TAF2: variants seen among roughly 807,000 people sequenced by gnomAD.
The protein encoded by TAF2 is TATA-box binding protein associated factor 2.
Under a neutral mutation model 138.5 loss-of-function variants are expected in TAF2, and 61 were observed. That is an observed-to-expected ratio of 0.44 (90% CI 0.36 to 0.54). The LOEUF (loss-of-function observed/expected upper bound fraction) is 0.54, where lower values mean the gene tolerates loss of function less well. TAF2 is among the 20% of genes least tolerant of loss of function. The pLI is 0.00. For synonymous variants in TAF2, 475 were observed against 469.9 expected (o/e 1.01, Z -0.14); for missense variants, 1,090 against 1,427.9 (o/e 0.76, Z 3.81).
intron 6 of TAF2, among the ~76,000 whole-genome samples, chr8:119,801,084 G>A (rs1375098908): frequency 2.6e-5 from 4 of 152,070 alleles, no homozygotes; most frequent in Admixed American, 1.3e-4. Flanking sequence ...CCTCTGTATA[G>A]GTTGAAGAGA....
intron 3 of TAF2, among the ~76,000 whole-genome samples, chr8:119,812,751 G>GTGTGTA (rs1373558970): frequency 1.2e-5 from 1 of 86,526 alleles, no homozygotes. Context: ...GTGTGTGTGT[G>GTGTGTA]TATATATGTG....
chr8:119,803,948 G>T lies in TAF2; in HGVS notation c.490C>A (p.Pro164Thr). 1 of 1,613,962 alleles carries T rather than the reference G, an allele frequency of 6.2e-7. No homozygotes were observed. Among genetic ancestry groups the T allele is most frequent in the Non-Finnish European group, 8.5e-7 (1 of 1,179,966 alleles). ...QPKGGLHFVV[P>T]SVEGSMAERG... ...TCTGCCATACTTCCCTCTACACTGG[G>T]TACCACAAAATGAAGACCTCCTTTG... Residue 164 changes from proline (P) to threonine (T), a missense_variant, in exon 5 of 26, where the codon CCC becomes ACC. Coordinates refer to ENST00000378164, the MANE Select transcript of TAF2 (RefSeq NM_003184.4).
chr8:119,745,923 A>C (rs1563821603), intron 23 of TAF2, among the ~76,000 whole-genome samples: 4 of 151,858 alleles, frequency 2.6e-5, no homozygotes. Context: ...TTCATTCATT[A>C]TTTATTTCAT....
chr8:119,738,116 TTTTA>T (rs1819354088), intron 25 of TAF2, among the ~76,000 whole-genome samples: 2 of 151,778 alleles, frequency 1.3e-5, no homozygotes, highest in South Asian at 2.1e-4. Flanking sequence ...ATATAGTATG[TTTTA>T]TTTATTCTCT....
chr8:119,797,705 C>T lies in TAF2; in HGVS notation c.934G>A (p.Ala312Thr). 1 of 1,613,488 alleles carries T rather than the reference C, an allele frequency of 6.2e-7. No individual in the cohort carries two copies. The highest frequency in any genetic ancestry group is 8.5e-7 in the Non-Finnish European group (1 of 1,179,690). The part of the protein sequence containing the change: ...SCFKTVFIDE[A>T]YVEVAAYASM... ...GCATAAGCAGCCACTTCAACATAAG[C>T]CTCATCAATGAAGACAGTCTTAAAA... Residue 312 changes from alanine to threonine, a missense_variant, in exon 7 of 26, where the codon GCT becomes ACT. Transcript: ENST00000378164.
At chr8:119,765,638 A>C (rs1419516086) in intron 18 of TAF2, among the ~76,000 whole-genome samples, 1 of 152,190 alleles carries the variant, frequency 6.6e-6, no homozygotes, top group African/African-American at 2.4e-5. Context: ...CAGTCTTTGA[A>C]GGTTTTTAAG....
chr8:119,731,310 T>A lies in TAF2; in HGVS notation c.*614A>T, dbSNP rs1156736020. 3 of 152,226 alleles carry A rather than the reference T, an allele frequency of 2.0e-5. No individual in the cohort carries two copies. Among genetic ancestry groups the A allele is most frequent in the Admixed American group, 1.3e-4 (2 of 15,284 alleles). The allele number at this position is 152,226 out of a possible 1,614,324, so 9.4% of individuals were successfully genotyped here. On this transcript the variant is annotated 3_prime_UTR_variant, in exon 26 of 26. Coordinates refer to ENST00000378164, the MANE Select transcript of TAF2 (RefSeq NM_003184.4). ...GTTATCAAAAGATAGTTATTCAAAA[T>A]TTTTTTAAAAAAGAATTGCTTCCCC...
chr8:119,797,469 AGTTATCT>A (rs1435214468), intron 7 of TAF2, among the ~76,000 whole-genome samples, 186 bp downstream of exon 7: 2 of 77,034 alleles, frequency 2.6e-5, no homozygotes, highest in African/African-American at 1.7e-4. Flanking sequence ...GAGCCTTTTG[AGTTATCT>A]CAAAAACTTT....
chr8:119,791,688 T>C (rs1186549746), intron 10 of TAF2: 1 of 460,784 alleles, frequency 2.2e-6, no homozygotes, highest in African/African-American at 2.0e-5. Flanking sequence ...ACCAAGCTCC[T>C]AGATGGGAAG....
intron 2 of TAF2, among the ~76,000 whole-genome samples, chr8:119,827,773 T>C (rs1826196351): frequency 6.6e-6 from 1 of 151,166 alleles, no homozygotes; most frequent in African/African-American, 2.4e-5. Context: ...GACAGAGTTT[T>C]GCTCTTGTTG....
At chr8:119,774,287 A>G (rs1036524982) in intron 18 of TAF2, among the ~76,000 whole-genome samples, 10 of 152,206 alleles carry the variant, frequency 6.6e-5, no homozygotes, top group Non-Finnish European at 1.5e-4. Flanking sequence ...CTATTAAATA[A>G]ATGAACTTTA....
In TAF2 at chr8:119,793,429, T is replaced by G; in HGVS notation, c.1214A>C (p.Tyr405Ser). The change falls in exon 10 of 26, where the codon TAT (tyrosine) becomes TCT (serine). Residue 405 changes from tyrosine (Y) to serine (S), a missense_variant. Physicochemically the swap from Tyr to Ser is moderately radical, Grantham distance 144. Transcript: ENST00000378164. ...TAAAACCCCACCAGTTTTTAGTTCA[T>G]ATGCCACTATTTTGTCTAGCTCCTA... ...IKEELDKIVAYELKTGGVLLH... is the reference protein window; with the variant it reads ...IKEELDKIVASELKTGGVLLH... 6.2e-7 allele frequency: 1 copy of G among 1,612,942 alleles called. No homozygotes were observed. Among genetic ancestry groups the G allele is most frequent in the Non-Finnish European group, 8.5e-7 (1 of 1,179,242 alleles).
At chr8:119,796,754 A>G (rs1011733577) in intron 8 of TAF2, among the ~76,000 whole-genome samples, 3 of 152,106 alleles carry the variant, frequency 2.0e-5, no homozygotes, top group Admixed American at 1.3e-4. Context: ...ATACATATAG[A>G]ACAGTGTCTT....
intron 6 of TAF2, among the ~76,000 whole-genome samples, chr8:119,799,589 G>C (rs925552854): frequency 1.3e-5 from 2 of 152,154 alleles, no homozygotes; most frequent in South Asian, 2.1e-4. Context: ...CTTTGCTATT[G>C]TGAATAGTGC....
At chr8:119,741,681 C>T (rs1586288388) in intron 25 of TAF2, among the ~76,000 whole-genome samples, 1 of 152,170 alleles carries the variant, frequency 6.6e-6, no homozygotes, top group African/African-American at 2.4e-5. Flanking sequence ...ATAAACAGCA[C>T]TCTTTAAAAT....
chr8:119,743,317 C>T (rs1819731297), intron 24 of TAF2, among the ~76,000 whole-genome samples: 1 of 150,792 alleles, frequency 6.6e-6, no homozygotes, highest in East Asian at 1.9e-4. Flanking sequence ...ACTAAATATA[C>T]AGGATCACAT....
chr8:119,785,866 C>G (rs190976487), intron 14 of TAF2, among the ~76,000 whole-genome samples: 77 of 151,996 alleles, frequency 5.1e-4, no homozygotes, highest in Non-Finnish European at 8.4e-4. Flanking sequence ...AAATGACATT[C>G]TGTTATTACA....
chr8:119,757,664 A>AG (rs1338082823), intron 21 of TAF2, among the ~76,000 whole-genome samples: 2 of 151,402 alleles, frequency 1.3e-5, no homozygotes, highest in African/African-American at 4.9e-5. Context: ...CAAGGGCCCA[A>AG]GGGGGTGGAT....
intron 4 of TAF2, among the ~76,000 whole-genome samples, chr8:119,804,275 C>T (rs901777831): frequency 2.0e-5 from 3 of 152,126 alleles, no homozygotes; most frequent in African/African-American, 7.2e-5. Flanking sequence ...CCTTTGGTTA[C>T]GCCATATCCT....
Sources: allele counts gnomAD v4.1 joint callset (sites outside exome capture counted in the v4.1 genomes callset), GRCh38; gene constraint gnomAD v4.1.1; transcripts MANE v1.5; gene names NCBI Gene and HGNC (gene_info 2026-07-23, HGNC 2026-07-21).